The following NKAIN3 variants were observed in gnomAD, a reference collection of about 807,000 sequenced individuals.
NKAIN3 encodes sodium/potassium-transporting ATPase subunit beta-1-interacting protein 3.
Under a neutral mutation model 30.2 loss-of-function variants are expected in NKAIN3, and 25 were observed. The observed-to-expected ratio is 0.83, with a 90% CI of 0.60 to 1.16. The LOEUF (loss-of-function observed/expected upper bound fraction) is 1.16, where lower values mean the gene tolerates loss of function less well. Ranked by LOEUF, NKAIN3 falls within the 50% of genes most tolerant of loss-of-function variation. The pLI is 0.00. For synonymous variants in NKAIN3, 91 were observed against 89.6 expected (o/e 1.02, Z -0.09); for missense variants, 225 against 254.1 (o/e 0.89, Z 0.78).
chr8:62,448,520 A>C (rs560151578), intron 1 of NKAIN3, among the ~76,000 whole-genome samples: 10 of 151,268 alleles, frequency 6.6e-5, no homozygotes, highest in South Asian at 2.1e-4. Context: ...TGCCTTTCAG[A>C]GAATGCTTTC....
At chr8:62,698,412 C>G (rs978540407) in intron 3 of NKAIN3, among the ~76,000 whole-genome samples, 1 of 152,182 alleles carries the variant, frequency 6.6e-6, no homozygotes, top group African/African-American at 2.4e-5. Flanking sequence ...ACTCAAGCTC[C>G]TCCTGCAGAT....
Position 62,711,826 on chromosome 8 carries a change from A to G in NKAIN3, c.274-35106A>G, listed in dbSNP as rs146872603. ...AGCGTTAAATAGCCTTGTTTTTCATATTACCAGGGTTGGTTTTCTGGTCTC... is the reference window on the plus strand; with the variant it reads ...AGCGTTAAATAGCCTTGTTTTTCATGTTACCAGGGTTGGTTTTCTGGTCTC... On this transcript the variant is annotated intron_variant, in intron 3 of 6. Transcript: ENST00000623646. Among the ~76,000 whole-genome samples, 509 of 152,224 alleles carry G rather than the reference A, an allele frequency of 3.3e-3. 5 individuals are homozygous for G. The highest frequency in any genetic ancestry group is 0.011 in the African/African-American group (470 of 41,542).
At chr8:62,283,200 A>G (rs10095168) in intron 1 of NKAIN3, among the ~76,000 whole-genome samples, 90,377 of 152,024 alleles carry the variant, frequency 0.59, 27,128 homozygotes, top group East Asian at 0.68. Context: ...TTGTATTTGA[A>G]ATCTTGAACT....
At chr8:62,578,456 A>G (rs11784165) in intron 1 of NKAIN3, among the ~76,000 whole-genome samples, 72,001 of 151,878 alleles carry the variant, frequency 0.47, 18,630 homozygotes, top group Middle Eastern at 0.6. Context: ...TATGATCTCA[A>G]TAAAATGTGA....
At chr8:62,639,178 C>T (rs2130293605) in intron 3 of NKAIN3, among the ~76,000 whole-genome samples, 1 of 152,208 alleles carries the variant, frequency 6.6e-6, no homozygotes, top group East Asian at 1.9e-4. Context: ...AATGTTTGAG[C>T]CCTGGGAACT....
At chr8:62,432,166 G>C (rs564347968) in intron 1 of NKAIN3, among the ~76,000 whole-genome samples, 1 of 152,014 alleles carries the variant, frequency 6.6e-6, no homozygotes, top group African/African-American at 2.4e-5. Flanking sequence ...AAAGGTCTCT[G>C]ATGTTATGAA....
At chr8:62,922,575 G>A (rs144919357) in intron 5 of NKAIN3, among the ~76,000 whole-genome samples, 210 of 152,242 alleles carry the variant, frequency 1.4e-3, no homozygotes, top group African/African-American at 4.9e-3. Context: ...TGCACCCCTA[G>A]CAATGTATGA....
intron 1 of NKAIN3, among the ~76,000 whole-genome samples, chr8:62,297,100 T>C (rs964772310): frequency 1.3e-5 from 2 of 152,214 alleles, no homozygotes; most frequent in Non-Finnish European, 2.9e-5. Context: ...TTGGTCTTCT[T>C]TTATTCTTCA....
intron 4 of NKAIN3, among the ~76,000 whole-genome samples, chr8:62,878,442 C>G (rs549349791): frequency 6.6e-6 from 1 of 152,090 alleles, no homozygotes; most frequent in African/African-American, 2.4e-5. Context: ...CTCAACTCCT[C>G]GGACCCTCAA....
At chr8:62,839,903 A>G (rs13439693) in intron 4 of NKAIN3, among the ~76,000 whole-genome samples, 16,783 of 152,106 alleles carry the variant, frequency 0.11, 987 homozygotes, top group African/African-American at 0.15. Flanking sequence ...ATGAACCACC[A>G]CACCCAGCCT....
At chr8:62,745,716 A>G (rs947884092) in intron 3 of NKAIN3, among the ~76,000 whole-genome samples, 3 of 152,208 alleles carry the variant, frequency 2.0e-5, no homozygotes, top group Non-Finnish European at 4.4e-5. Flanking sequence ...TTTGATATAC[A>G]TAAAAGTTAA....
chr8:62,504,883 C>A (rs533274617), intron 1 of NKAIN3, among the ~76,000 whole-genome samples: 4 of 152,150 alleles, frequency 2.6e-5, no homozygotes, highest in Admixed American at 6.6e-5. Flanking sequence ...AACAAGCTAT[C>A]CAGGTTAATG....
At chr8:62,801,332 C>A (rs1818055668) in intron 4 of NKAIN3, among the ~76,000 whole-genome samples, 1 of 152,176 alleles carries the variant, frequency 6.6e-6, no homozygotes, top group Non-Finnish European at 1.5e-5. Context: ...GGTCCCTGAC[C>A]CCTGACCCCC....
At chr8:62,376,911 C>G (rs1437266536) in intron 1 of NKAIN3, among the ~76,000 whole-genome samples, 3 of 152,004 alleles carry the variant, frequency 2.0e-5, no homozygotes, top group Admixed American at 6.6e-5. Context: ...GTCACAATAG[C>G]TACTTTTATA....
chr8:62,607,139 G>C (rs1489933297), intron 3 of NKAIN3, among the ~76,000 whole-genome samples: 1 of 152,112 alleles, frequency 6.6e-6, no homozygotes, highest in East Asian at 1.9e-4. Context: ...GCAATTTGCT[G>C]TCTTTTTTGA....
At chr8:62,818,620 C>T (rs920130833) in intron 4 of NKAIN3, among the ~76,000 whole-genome samples, 1 of 152,006 alleles carries the variant, frequency 6.6e-6, no homozygotes, top group African/African-American at 2.4e-5. Context: ...CTACATTAAG[C>T]CCTGGAATAT....
intron 1 of NKAIN3, among the ~76,000 whole-genome samples, chr8:62,392,374 A>G (rs1817607500): frequency 6.6e-6 from 1 of 152,056 alleles, no homozygotes; most frequent in South Asian, 2.1e-4. Context: ...TAGTGGAGTG[A>G]AGCTCACTTT....
chr8:62,621,725 T>A (rs1471891627), intron 3 of NKAIN3, among the ~76,000 whole-genome samples: 1 of 152,054 alleles, frequency 6.6e-6, no homozygotes, highest in Non-Finnish European at 1.5e-5. Context: ...AAGATCCAAT[T>A]TATTTTCTTT....
At position 62,940,551 on chromosome 8, in the gene NKAIN3, G is replaced by C. The variant is rs544972640; in HGVS notation, c.533-13351G>C. Among the ~76,000 whole-genome samples, 7 of 152,132 alleles carry C rather than the reference G, an allele frequency of 4.6e-5. No homozygotes were observed. In the South Asian group the frequency reaches 1.2e-3, roughly 27 times the overall value. ...CAGTCTCAACAAATTTATGAAAATTGAAATTATATCAAGTACTCTCTCAGA... is the reference window on the plus strand; with the variant it reads ...CAGTCTCAACAAATTTATGAAAATTCAAATTATATCAAGTACTCTCTCAGA... On this transcript the variant is annotated intron_variant, in intron 5 of 6. Coordinates refer to ENST00000623646, the MANE Select transcript of NKAIN3 (RefSeq NM_001304533.3).
Sources: gnomAD v4.1 joint callset for allele counts (sites outside exome capture counted in the v4.1 genomes callset) on GRCh38, gnomAD v4.1.1 for gene constraint, MANE v1.5 for transcripts, NCBI Gene and HGNC (gene_info 2026-07-23, HGNC 2026-07-21) for gene names.